Variants in ZNF385D observed in about 807,000 individuals in gnomAD.
ZNF385D encodes the protein zinc finger protein 659.
ZNF385D carries 15 observed loss-of-function variants against 35.8 expected under a neutral mutation model. That is an observed-to-expected ratio of 0.42 (90% CI 0.28 to 0.64). The LOEUF is 0.64. Ranked by LOEUF, ZNF385D falls within the 30% of genes least tolerant of loss-of-function variation. ZNF385D has a pLI of 0.23. For missense variants in ZNF385D, 474 were observed against 494.6 expected (o/e 0.96, Z 0.39); for synonymous variants, 212 against 186.8 (o/e 1.13, Z -1.10).
chr3:22,316,956 C>T (rs1424221759), intron 2 of ZNF385D, among the ~76,000 whole-genome samples: 1 of 151,990 alleles, frequency 6.6e-6, no homozygotes, highest in Non-Finnish European at 1.5e-5. Context: ...ACTTCCTTAG[C>T]TGACCAAGAA....
intron 2 of ZNF385D, among the ~76,000 whole-genome samples, chr3:22,282,037 G>C (rs371878664): frequency 6.6e-6 from 1 of 151,954 alleles, no homozygotes; most frequent in Non-Finnish European, 1.5e-5. Context: ...TGCGTGTAAA[G>C]GTGTTTATAG....
intron 3 of ZNF385D, among the ~76,000 whole-genome samples, chr3:22,002,233 A>G (rs192552574): frequency 3.9e-5 from 6 of 152,176 alleles, no homozygotes; most frequent in African/African-American, 9.6e-5. Flanking sequence ...ACCCAAATCA[A>G]TAAAATCAAA....
chr3:21,694,450 G>T (rs2067399613), intron 1 of ZNF385D, among the ~76,000 whole-genome samples: 1 of 152,066 alleles, frequency 6.6e-6, no homozygotes, highest in Admixed American at 6.5e-5. Flanking sequence ...TCAGGTTAGG[G>T]GATTCTCCTG....
chr3:21,552,312 C>A (rs895922981), intron 3 of ZNF385D, among the ~76,000 whole-genome samples: 6 of 152,136 alleles, frequency 3.9e-5, no homozygotes, highest in African/African-American at 1.4e-4. Flanking sequence ...TCAATCTTGA[C>A]ATTTGGTGTC....
chr3:22,091,190 A>G (rs1701314130), intron 3 of ZNF385D, among the ~76,000 whole-genome samples: 1 of 152,194 alleles, frequency 6.6e-6, no homozygotes, highest in African/African-American at 2.4e-5. Context: ...AACTTGGTTG[A>G]TTGACTGAAA....
chr3:21,817,796 C>G (rs1243169590), intron 3 of ZNF385D, among the ~76,000 whole-genome samples: 1 of 152,126 alleles, frequency 6.6e-6, no homozygotes, highest in Non-Finnish European at 1.5e-5. Context: ...ACTAGAAATA[C>G]CATTTGACCC....
chr3:22,191,348 A>G (rs3965171), intron 2 of ZNF385D, among the ~76,000 whole-genome samples: 77,710 of 151,652 alleles, frequency 0.51, 20,211 homozygotes, highest in Middle Eastern at 0.63. Flanking sequence ...TTAGCCGCGC[A>G]TGGTGGTGCA....
rs144238886 is a variant in ZNF385D, at chr3:22,049,019, G to A, written c.325+119798C>T. ...TGTATAGAAATGCTGTTAATTGGCC[G>A]GGCGTAGTGGCTCAGGCCTGTAATC... On this transcript the variant is annotated intron_variant, in intron 3 of 5. Transcript: ENST00000494108. 5.2e-4 allele frequency among the ~76,000 whole-genome samples: 79 copies of A among 152,092 alleles called. No homozygotes were observed. In the East Asian group the frequency reaches 5.4e-3, roughly 10 times the overall value.
rs111391117 is a variant in ZNF385D at position 22,124,722 on chromosome 3, C to T, written c.325+44095G>A. Among the ~76,000 whole-genome samples, 1,143 of 152,034 alleles carry T rather than the reference C, an allele frequency of 7.5e-3. 8 individuals are homozygous for T. The highest frequency in any genetic ancestry group is 0.01 in the Middle Eastern group (3 of 294). On this transcript the variant is annotated intron_variant, in intron 3 of 5. Coordinates refer to the ZNF385D transcript ENST00000494108. ...GTTTGCTATTTGTATGTCTTTTTTGCGAATTGTCTATTCAGATCTTCTGTC... is the reference window on the plus strand; with the variant it reads ...GTTTGCTATTTGTATGTCTTTTTTGTGAATTGTCTATTCAGATCTTCTGTC...
chr3:21,651,686 C>G (rs1033710111), intron 2 of ZNF385D, among the ~76,000 whole-genome samples: 1 of 152,180 alleles, frequency 6.6e-6, no homozygotes, highest in African/African-American at 2.4e-5. Flanking sequence ...TAACCTCCTC[C>G]AGGAGTTCTG....
rs1162210104 is a variant in ZNF385D, at chr3:21,421,452, A to G, written c.955-5T>C. On this transcript the variant is annotated splice_polypyrimidine_tract_variant and splice_region_variant and intron_variant, in intron 7 of 7. Transcript: ENST00000281523. ...TTTTGAAAATACTAATTTTACCTGC[A>G]AGGGAGAAAAAATATTGTAAAAAAA... is the stretch of plus-strand genomic sequence containing the variant. 3 of 1,596,364 alleles carry G rather than the reference A, an allele frequency of 1.9e-6. No homozygotes were observed. The highest frequency in any genetic ancestry group is 2.6e-6 in the Non-Finnish European group (3 of 1,167,560).
chr3:22,264,705 G>A (rs1232847980), intron 2 of ZNF385D, among the ~76,000 whole-genome samples: 1 of 151,812 alleles, frequency 6.6e-6, no homozygotes, highest in African/African-American at 2.4e-5. Flanking sequence ...GCAGAACTTG[G>A]TACACCAATT....
At chr3:21,741,094 A>AAG in intron 1 of ZNF385D, among the ~76,000 whole-genome samples, 1 of 152,174 alleles carries the variant, frequency 6.6e-6, no homozygotes, top group Admixed American at 6.5e-5. Context: ...TTCTTCTGTG[A>AAG]GCAGTGGCCA....
chr3:21,428,178 G>A (rs1253371223), intron 5 of ZNF385D, among the ~76,000 whole-genome samples: 1 of 152,044 alleles, frequency 6.6e-6, no homozygotes, highest in East Asian at 1.9e-4. Flanking sequence ...TTAAATGTAT[G>A]AGATAAAATG....
intron 2 of ZNF385D, among the ~76,000 whole-genome samples, chr3:22,223,918 A>G (rs1576522350): frequency 6.6e-6 from 1 of 152,178 alleles, no homozygotes. Flanking sequence ...TGAAGCATGT[A>G]AAGTCAGGGA....
At chr3:21,997,542 G>T (rs562237361) in intron 3 of ZNF385D, among the ~76,000 whole-genome samples, 1 of 149,502 alleles carries the variant, frequency 6.7e-6, no homozygotes, top group Non-Finnish European at 1.5e-5. Flanking sequence ...TTCTTTAAAT[G>T]TAACTATCTC....
chr3:21,757,601 C>T (rs1156877615), intron 3 of ZNF385D, among the ~76,000 whole-genome samples: 1 of 152,148 alleles, frequency 6.6e-6, no homozygotes. Flanking sequence ...TTGTTGAGTA[C>T]TCCCGTGCCA....
At chr3:21,718,261 A>G (rs2068402590) in intron 1 of ZNF385D, among the ~76,000 whole-genome samples, 1 of 152,180 alleles carries the variant, frequency 6.6e-6, no homozygotes, top group East Asian at 1.9e-4. Flanking sequence ...CAATCCTTCC[A>G]TGGTTCCTAC....
chr3:21,751,435 T>G, upstream of ZNF385D: 1 of 991,830 alleles, frequency 1.0e-6, no homozygotes, highest in Non-Finnish European at 1.2e-6. Flanking sequence ...TTCACCACTG[T>G]GCAGGAGGGA....
Sources: allele counts gnomAD v4.1 joint callset (sites outside exome capture counted in the v4.1 genomes callset), GRCh38; gene constraint gnomAD v4.1.1; transcripts MANE v1.5; gene names NCBI Gene and HGNC (gene_info 2026-07-23, HGNC 2026-07-21).